The following TMEM33 variants were observed in gnomAD, a reference collection of about 807,000 sequenced individuals.
TMEM33 encodes transmembrane protein 33.
In TMEM33, 16 loss-of-function variants were observed where a neutral mutation model predicts 29.7. That is an observed-to-expected ratio of 0.54 (90% CI 0.36 to 0.82). The LOEUF is 0.82. Ranked by LOEUF, TMEM33 falls within the 40% of genes least tolerant of loss-of-function variation. The pLI, the probability that TMEM33 is intolerant of heterozygous loss-of-function variation, is 0.00. For missense variants in TMEM33, 252 were observed against 295.3 expected (o/e 0.85, Z 1.08); for synonymous variants, 112 against 109.4 (o/e 1.02, Z -0.15).
intron 6 of TMEM33, 129 bp from the exon 7 acceptor site, chr4:41,953,941 C>A: frequency 1.8e-6 from 2 of 1,106,702 alleles, no homozygotes; most frequent in Non-Finnish European, 1.3e-6. Context: ...GATAGTCTTG[C>A]TGTATGCGGT....
rs572111513 is a variant in TMEM33 at position 41,947,128 on chromosome 4, C to T, written c.531-2174C>T. 1.5e-4 allele frequency among the ~76,000 whole-genome samples: 22 copies of T among 151,512 alleles called. 1 individual carries two copies. The East Asian group carries it at 3.5e-3, about 24-fold the overall frequency. On this transcript the variant is annotated intron_variant, in intron 5 of 6. Coordinates refer to ENST00000504986, the MANE Select transcript of TMEM33 (RefSeq NM_018126.3). ...GTGTGTGCCTGTAGTCCCAGCTACTCGGGAGGCTGAGGCAGGAGAATCGCT... is the reference window on the plus strand; with the variant it reads ...GTGTGTGCCTGTAGTCCCAGCTACTTGGGAGGCTGAGGCAGGAGAATCGCT...
intron 2 of TMEM33, 67 bp downstream of exon 2, chr4:41,938,763 T>G: frequency 6.8e-7 from 1 of 1,469,254 alleles, no homozygotes; most frequent in Non-Finnish European, 9.5e-7. Context: ...GAGTGCCTTT[T>G]AGGTGTAAGA....
chr4:41,953,997 T>C lies in TMEM33; in HGVS notation c.615-73T>C, dbSNP rs181206259. On this transcript the variant is annotated intron_variant, in intron 6 of 6. Transcript: ENST00000504986. ...TGTAAAAAATGAAATATCTATGGAG[T>C]ACAATAAAATGAGGTAAGCCTGTGT... 6.4e-6 allele frequency: 10 copies of C among 1,565,740 alleles called. No individual in the cohort carries two copies. In the African/African-American group the frequency reaches 1.4e-4, roughly 21 times the overall value.
chr4:41,941,192 A>G, intron 3 of TMEM33, among the ~76,000 whole-genome samples: 1 of 152,242 alleles, frequency 6.6e-6, no homozygotes. Flanking sequence ...ATGTCCCATC[A>G]TAATTTGTAT....
In TMEM33 at chr4:41,960,150, A is replaced by G. The variant is rs1370492681; in HGVS notation, c.*5951A>G. 2.0e-5 allele frequency: 3 copies of G among 152,186 alleles called. No individual in the cohort carries two copies. Among genetic ancestry groups the G allele is most frequent in the Admixed American group, 1.3e-4 (2 of 15,284 alleles). 9.4% of individuals were successfully genotyped at this position (152,186 alleles called of 1,614,324 possible). ...CTTTCAAGAAAATCTAATAAACATA[A>G]TAATCATAGCCTGCTGACACTAAGG... is the stretch of plus-strand genomic sequence containing the variant. On this transcript the variant is annotated 3_prime_UTR_variant, in exon 7 of 7. Coordinates refer to ENST00000504986, the MANE Select transcript of TMEM33 (RefSeq NM_018126.3).
At chr4:41,938,483 T>G in intron 1 of TMEM33, 119 bp from the exon 2 acceptor site, 2 of 956,814 alleles carry the variant, frequency 2.1e-6, no homozygotes, top group South Asian at 2.9e-5. Context: ...CCTAATGATC[T>G]AAAAAAACAA....
At chr4:41,936,899 A>G (rs1712265261) in intron 1 of TMEM33, among the ~76,000 whole-genome samples, 4 of 152,180 alleles carry the variant, frequency 2.6e-5, no homozygotes, top group Admixed American at 2.6e-4. Context: ...CCATCATTGC[A>G]GAATTTGTTT....
rs922488441 is a variant in TMEM33 at position 41,957,807 on chromosome 4, GGAA to G, written c.*3613_*3615del. ...TGACACTTTGAAATGAAAACTTCAAGGAAGAAGTAGCCACGGACAGTTATGTTT... is the reference window on the plus strand; with the variant it reads ...TGACACTTTGAAATGAAAACTTCAAGGAAGTAGCCACGGACAGTTATGTTT... On this transcript the variant is annotated 3_prime_UTR_variant, in exon 7 of 7. Transcript: ENST00000504986. 2.0e-5 allele frequency: 3 copies of G among 152,002 alleles called. No individual in the cohort carries two copies. Among genetic ancestry groups the G allele is most frequent in the African/African-American group, 4.8e-5 (2 of 41,374 alleles). The allele number at this position is 152,002 out of a possible 1,614,324, so 9.4% of individuals were successfully genotyped here.
At chr4:41,946,017 C>T (rs1421190759) in intron 5 of TMEM33, among the ~76,000 whole-genome samples, 3 of 144,016 alleles carry the variant, frequency 2.1e-5, no homozygotes, top group Non-Finnish European at 4.5e-5. Flanking sequence ...AAGTGTTATT[C>T]TGTACCTTTT....
At chr4:41,944,980 T>G in intron 5 of TMEM33, 54 bp downstream of exon 5, 1 of 1,589,358 alleles carries the variant, frequency 6.3e-7, no homozygotes, top group Non-Finnish European at 8.5e-7. Context: ...GTAATAAAGA[T>G]AGTAACTCAA....
In TMEM33 at chr4:41,954,467, T is replaced by G; in HGVS notation, c.*268T>G. 1 of 236,648 alleles carries G rather than the reference T, an allele frequency of 4.2e-6. No individual in the cohort carries two copies. The highest frequency in any genetic ancestry group is 8.3e-6 in the Non-Finnish European group (1 of 120,696). 14.7% of individuals were successfully genotyped at this position (236,648 alleles called of 1,614,324 possible). On this transcript the variant is annotated 3_prime_UTR_variant, in exon 7 of 7. Transcript: ENST00000504986. ...TACCAGTTTTTTTAAAAAGATGCTG[T>G]TGTGCCTATATCATGAAGTACATTA...
At chr4:41,953,898 T>C in intron 6 of TMEM33, 172 bp from the exon 7 acceptor site, 1 of 720,130 alleles carries the variant, frequency 1.4e-6, no homozygotes, top group Non-Finnish European at 2.4e-6. Context: ...CGCAGAGACA[T>C]GAAGTGAGCA....
Position 41,939,337 on chromosome 4 carries a change from C to CT in TMEM33, c.283dup (p.Tyr95LeufsTer38). The CT allele has an allele frequency of 6.2e-7, 1 of 1,613,700 alleles. No homozygotes were observed. The highest frequency in any genetic ancestry group is 8.5e-7 in the Non-Finnish European group (1 of 1,179,906). On this transcript the variant is annotated frameshift_variant, in exon 3 of 7. Coordinates refer to ENST00000504986, the MANE Select transcript of TMEM33 (RefSeq NM_018126.3). LOFTEE classifies it high-confidence loss of function. ...AGGCTTTGTTAGAGGACAGCTGCCA[C>CT]TACCTGTTGTATTCACTCATCTTTG... is the stretch of plus-strand genomic sequence containing the variant.
At chr4:41,936,133 G>A (rs1485091000) in intron 1 of TMEM33, among the ~76,000 whole-genome samples, 1 of 152,160 alleles carries the variant, frequency 6.6e-6, no homozygotes, top group Non-Finnish European at 1.5e-5. Flanking sequence ...TATTCTGTGT[G>A]ACCACAATGC....
At chr4:41,937,869 A>C (rs890179866) in intron 1 of TMEM33, among the ~76,000 whole-genome samples, 2 of 152,144 alleles carry the variant, frequency 1.3e-5, no homozygotes, top group African/African-American at 2.4e-5. Context: ...TGGGGGAAGA[A>C]AATGGTATAG....
At chr4:41,943,913 ATACCT>A (rs756703951) in intron 4 of TMEM33, 99 bp downstream of exon 4, 25 of 1,027,068 alleles carry the variant, frequency 2.4e-5, no homozygotes, top group Non-Finnish European at 3.4e-5. Context: ...AAGTCCCTCT[ATACCT>A]TACAAACTTG....
At chr4:41,942,636 T>C (rs894606543) in intron 3 of TMEM33, among the ~76,000 whole-genome samples, 2 of 151,438 alleles carry the variant, frequency 1.3e-5, no homozygotes, top group Admixed American at 1.3e-4. Context: ...TATCATTTTG[T>C]GGAACTACTT....
intron 6 of TMEM33, 152 bp downstream of exon 6, chr4:41,949,537 C>T (rs1712947599): frequency 3.3e-6 from 2 of 597,024 alleles, no homozygotes; most frequent in African/African-American, 1.9e-5. Context: ...TTAGAATGTA[C>T]TGGGGTTGGT....
At chr4:41,940,414 A>G (rs1369884167) in intron 3 of TMEM33, among the ~76,000 whole-genome samples, 1 of 152,092 alleles carries the variant, frequency 6.6e-6, no homozygotes, top group Non-Finnish European at 1.5e-5. Flanking sequence ...CTATTTAGAT[A>G]CCTATGCTCA....
Sources: gnomAD v4.1 joint callset for allele counts (sites outside exome capture counted in the v4.1 genomes callset) on GRCh38, gnomAD v4.1.1 for gene constraint, MANE v1.5 for transcripts, NCBI Gene and HGNC (gene_info 2026-07-23, HGNC 2026-07-21) for gene names.